Variants in BEGAIN observed in about 807,000 individuals in gnomAD.
The protein encoded by BEGAIN is brain-enriched guanylate kinase-associated protein.
In BEGAIN, 19 loss-of-function variants were observed where a neutral mutation model predicts 35.8. The ratio of observed to expected loss-of-function variants is 0.53; its 90% CI spans 0.37 to 0.78. The LOEUF (loss-of-function observed/expected upper bound fraction) is 0.78. Among genes scored for constraint, BEGAIN ranks in the 30% least tolerant of loss-of-function variants. BEGAIN has a pLI of 0.00. For missense variants in BEGAIN, 795 were observed against 853.6 expected (o/e 0.93, Z 0.85); for synonymous variants, 462 against 388.6 (o/e 1.19, Z -2.22).
chr14:100,572,747 G>C (rs2035112328), intron 1 of BEGAIN, among the ~76,000 whole-genome samples: 1 of 152,220 alleles, frequency 6.6e-6, no homozygotes, highest in South Asian at 2.1e-4. Flanking sequence ...GGAGCAACAA[G>C]GCGGCTGTGT....
chr14:100,554,607 G>T (rs1048412854), intron 2 of BEGAIN, among the ~76,000 whole-genome samples: 2 of 151,744 alleles, frequency 1.3e-5, no homozygotes, highest in Non-Finnish European at 2.9e-5. Context: ...ACCCCACCCT[G>T]CCCTGGATGA....
rs781195176 is a variant in BEGAIN, at chr14:100,572,277, C to T, written c.43-4338G>A. 5.9e-5 allele frequency among the ~76,000 whole-genome samples: 9 copies of T among 152,198 alleles called. No homozygotes were observed. In the East Asian group the frequency reaches 9.6e-4, roughly 16 times the overall value. ...ATAATGGAGCACATAAATCCTCTGC[C>T]GGACCATCTGACCCCATTGCACGGC... On this transcript the variant is annotated intron_variant, in intron 1 of 6. Coordinates refer to ENST00000554140, the MANE Select transcript of BEGAIN (RefSeq NM_001385089.1).
chr14:100,551,145 C>G (rs567055816), intron 2 of BEGAIN, among the ~76,000 whole-genome samples: 1 of 152,366 alleles, frequency 6.6e-6, no homozygotes, highest in African/African-American at 2.4e-5. Flanking sequence ...GTCCACTTCA[C>G]CCTGCCCCGG....
At position 100,538,749 on chromosome 14, in the gene BEGAIN, G is replaced by A. The variant is rs756230907; in HGVS notation, c.1059C>T (p.Phe353=). 3 of 1,574,852 alleles carry A rather than the reference G, an allele frequency of 1.9e-6. No individual in the cohort carries two copies. Among genetic ancestry groups the A allele is most frequent in the East Asian group, 2.3e-5 (1 of 42,760 alleles). The part of the protein sequence containing the change: ...AIYLNSRDEL[F]DRKPPATTYE... Reference sequence around the variant, plus strand: ...AGGTGGTGGCGGGTGGCTTGCGGTCGAAGAGCTCGTCGCGGCTGTTCAGGT... The same window carrying A: ...AGGTGGTGGCGGGTGGCTTGCGGTCAAAGAGCTCGTCGCGGCTGTTCAGGT... The change falls in exon 7 of 7, where the codon TTC becomes TTT. Residue 353 remains phenylalanine (F), a synonymous_variant. Transcript: ENST00000554140.
chr14:100,560,946 CG>C (rs1220080558), intron 2 of BEGAIN, among the ~76,000 whole-genome samples: 3 of 152,130 alleles, frequency 2.0e-5, no homozygotes, highest in Non-Finnish European at 4.4e-5. Context: ...TTTGCAGACA[CG>C]GGGGACCTTT....
rs181353846 is a variant in BEGAIN at position 100,537,667 on chromosome 14, T to G, written c.*302A>C. 6 of 381,576 alleles carry G rather than the reference T, an allele frequency of 1.6e-5. No individual in the cohort carries two copies. In the East Asian group the frequency reaches 2.7e-4, roughly 17 times the overall value. 23.6% of individuals were successfully genotyped at this position (381,576 alleles called of 1,614,324 possible). A position where few individuals can be genotyped will look rare whatever the true frequency, so the allele number is the denominator to read the frequency against. On this transcript the variant is annotated 3_prime_UTR_variant, in exon 7 of 7. Coordinates refer to ENST00000554140, the MANE Select transcript of BEGAIN (RefSeq NM_001385089.1). ...GGCCAAGTGCGTTAAGAAAGACCCT[T>G]TTTCTCTATAAAAATAGTTTCGCTT...
chr14:100,542,516 A>G (rs1173580186), intron 5 of BEGAIN, among the ~76,000 whole-genome samples: 1 of 152,036 alleles, frequency 6.6e-6, no homozygotes, highest in East Asian at 1.9e-4. Flanking sequence ...TCTCCGCTCC[A>G]AGGGGTCCTG....
At chr14:100,544,925 A>G in intron 4 of BEGAIN, 75 bp downstream of exon 4, 1 of 1,450,748 alleles carries the variant, frequency 6.9e-7, no homozygotes, top group Non-Finnish European at 9.6e-7. Flanking sequence ...TGAGTGGCCC[A>G]GGGGTGTCAG....
rs962204209 is a variant in BEGAIN at position 100,552,011 on chromosome 14, C to A, written c.72-5349G>T. On this transcript the variant is annotated intron_variant, in intron 2 of 6. Transcript: ENST00000554140. ...ATGGGATGAGTGCGTTCGCTCGAGGCTGCCAGAAACAACTGCCCTCATGGC... is the reference window on the plus strand; with the variant it reads ...ATGGGATGAGTGCGTTCGCTCGAGGATGCCAGAAACAACTGCCCTCATGGC... Among the ~76,000 whole-genome samples, 8 of 152,172 alleles carry A rather than the reference C, an allele frequency of 5.3e-5. 1 individual carries two copies. Among genetic ancestry groups the A allele is most frequent in the African/African-American group, 1.9e-4 (8 of 41,438 alleles).
chr14:100,542,378 C>T lies in BEGAIN; in HGVS notation c.408+1480G>A, dbSNP rs1595108767. Among the ~76,000 whole-genome samples the T allele has an allele frequency of 2.6e-5, 4 of 152,376 alleles. No homozygotes were observed. The South Asian group carries it at 8.3e-4, about 32-fold the overall frequency. ...CTACTGGCCACTCCCTCCCAGGCAT[C>T]CTTGCTGGTCCCTACTCCGTCCTGG... On this transcript the variant is annotated intron_variant, in intron 5 of 6. Transcript: ENST00000554140.
At position 100,558,238 on chromosome 14, in the gene BEGAIN, G is replaced by A. The variant is rs140178012; in HGVS notation, c.71+9673C>T. Among the ~76,000 whole-genome samples, 12 of 152,220 alleles carry A rather than the reference G, an allele frequency of 7.9e-5. No homozygotes were observed. Among genetic ancestry groups the A allele is most frequent in the African/African-American group, 1.7e-4 (7 of 41,526 alleles). On this transcript the variant is annotated intron_variant, in intron 2 of 6. Coordinates refer to ENST00000554140, the MANE Select transcript of BEGAIN (RefSeq NM_001385089.1). This position sits in a 1 kb window ranked among gnomAD's most constrained non-coding sequence, Gnocchi z 4.6. ...TCTGCCTCCTTACTCCTAGCCTGCC[G>A]GGATGGGACCAATGCCCACCAGGAT...
chr14:100,539,724 T>G (rs1363188691), intron 6 of BEGAIN, among the ~76,000 whole-genome samples: 5 of 151,010 alleles, frequency 3.3e-5, no homozygotes, highest in Admixed American at 3.3e-4. Context: ...GTGGGTTCTG[T>G]GGGTTCTACT....
intron 3 of BEGAIN, chr14:100,545,423 G>T: frequency 9.2e-7 from 1 of 1,088,290 alleles, no homozygotes; most frequent in Non-Finnish European, 1.1e-6. Context: ...CTGTTATGGG[G>T]TTGACAGTTC....
chr14:100,564,009 C>T (rs913383119), intron 2 of BEGAIN, among the ~76,000 whole-genome samples: 5 of 152,046 alleles, frequency 3.3e-5, no homozygotes, highest in Admixed American at 1.3e-4. Context: ...GGCAGAACCA[C>T]GAGGACAGCA....
At chr14:100,543,254 G>A (rs567142071) in intron 5 of BEGAIN, among the ~76,000 whole-genome samples, 1 of 150,818 alleles carries the variant, frequency 6.6e-6, no homozygotes, top group South Asian at 2.1e-4. Context: ...ATACCCCAGA[G>A]TTTGCCCCAC....
intron 1 of BEGAIN, among the ~76,000 whole-genome samples, chr14:100,579,140 C>T (rs1031562874): frequency 6.6e-6 from 1 of 152,222 alleles, no homozygotes; most frequent in Non-Finnish European, 1.5e-5. Context: ...GGATTATAGG[C>T]GTGAGCCACT....
At chr14:100,556,902 C>A (rs2033777559) in intron 2 of BEGAIN, among the ~76,000 whole-genome samples, 1 of 152,346 alleles carries the variant, frequency 6.6e-6, no homozygotes, top group East Asian at 1.9e-4. Flanking sequence ...TCCATGCCCC[C>A]TCTCTGCAGG....
At chr14:100,579,989 C>G (rs554890572) in intron 1 of BEGAIN, among the ~76,000 whole-genome samples, 1 of 151,936 alleles carries the variant, frequency 6.6e-6, no homozygotes, top group African/African-American at 2.4e-5. Flanking sequence ...ATCCCACAAA[C>G]ACGGCGAGTG....
chr14:100,583,946 A>C (rs922107854), intron 1 of BEGAIN, among the ~76,000 whole-genome samples: 1 of 151,872 alleles, frequency 6.6e-6, no homozygotes, highest in African/African-American at 2.4e-5. Flanking sequence ...TGGTCCACTC[A>C]CCTTGGCCTC....
Sources: allele counts gnomAD v4.1 joint callset (sites outside exome capture counted in the v4.1 genomes callset), GRCh38; gene constraint gnomAD v4.1.1; non-coding constraint Gnocchi (gnomAD v3.1); transcripts MANE v1.5; gene names NCBI Gene and HGNC (gene_info 2026-07-23, HGNC 2026-07-21).